The following DAPP1 variants were observed in gnomAD, a reference collection of about 807,000 sequenced individuals.
The protein encoded by DAPP1 is dual adapter for phosphotyrosine and 3-phosphotyrosine and 3-phosphoinositide.
A neutral mutation model predicts 41.5 loss-of-function variants in DAPP1; 20 were observed. The observed-to-expected ratio is 0.48, with a 90% CI of 0.34 to 0.70. DAPP1 has a LOEUF of 0.70. Ranked by LOEUF, DAPP1 falls within the 30% of genes least tolerant of loss-of-function variation. DAPP1 has a pLI of 0.01. For synonymous variants in DAPP1, 113 were observed against 116.2 expected (o/e 0.97, Z 0.18); for missense variants, 233 against 333.4 (o/e 0.70, Z 2.35).
intron 3 of DAPP1, among the ~76,000 whole-genome samples, chr4:99,841,714 A>G (rs1044836369): frequency 3.3e-5 from 5 of 152,158 alleles, no homozygotes; most frequent in Admixed American, 6.5e-5. Context: ...GAGATTTTTA[A>G]AGCCAGGGTT....
intron 1 of DAPP1, among the ~76,000 whole-genome samples, chr4:99,832,216 A>G (rs1404019439): frequency 6.6e-6 from 1 of 152,256 alleles, no homozygotes; most frequent in African/African-American, 2.4e-5. Context: ...GATTTGAAGC[A>G]ATGACTGAAG....
At chr4:99,851,356 C>G (rs918874061) in intron 3 of DAPP1, among the ~76,000 whole-genome samples, 1 of 151,900 alleles carries the variant, frequency 6.6e-6, no homozygotes, top group Non-Finnish European at 1.5e-5. Flanking sequence ...AGAGGAAGGG[C>G]CAGAGGCTTT....
intron 1 of DAPP1, among the ~76,000 whole-genome samples, chr4:99,817,904 A>T (rs1722645424): frequency 6.6e-6 from 1 of 152,222 alleles, no homozygotes; most frequent in African/African-American, 2.4e-5. Context: ...TCTTCATCTT[A>T]CAAAGGATGA....
chr4:99,839,571 A>G (rs1723427691), intron 2 of DAPP1, among the ~76,000 whole-genome samples: 1 of 152,116 alleles, frequency 6.6e-6, no homozygotes, highest in African/African-American at 2.4e-5. Flanking sequence ...ACAGAGCTGA[A>G]TTCTGATTGA....
chr4:99,827,681 T>G (rs1158687021), intron 1 of DAPP1, among the ~76,000 whole-genome samples: 1 of 152,228 alleles, frequency 6.6e-6, no homozygotes, highest in Non-Finnish European at 1.5e-5. Flanking sequence ...TAATGCATTC[T>G]CGGGCTGCCT....
chr4:99,837,287 G>C (rs1723334371), intron 2 of DAPP1, among the ~76,000 whole-genome samples: 1 of 152,162 alleles, frequency 6.6e-6, no homozygotes, highest in South Asian at 2.1e-4. Flanking sequence ...TTGGGATAAA[G>C]TGTGTGTACT....
intron 1 of DAPP1, among the ~76,000 whole-genome samples, chr4:99,826,635 C>A (rs1722947191): frequency 6.6e-6 from 1 of 152,176 alleles, no homozygotes. Context: ...ACCAGTTCTT[C>A]CAGAATTATT....
intron 1 of DAPP1, among the ~76,000 whole-genome samples, chr4:99,828,319 T>A (rs915963729): frequency 6.6e-6 from 1 of 152,182 alleles, no homozygotes; most frequent in Admixed American, 6.5e-5. Flanking sequence ...AAACAATATA[T>A]TCAAGTTAAT....
rs545171010 is a variant in DAPP1 at position 99,837,062 on chromosome 4, C to T, written c.224+1317C>T. ...GCCACATGGCACCCATGGCTGTTTA[C>T]CACATGGGTGTTTGCTTTCTTGCAT... On this transcript the variant is annotated intron_variant, in intron 2 of 8. Coordinates refer to ENST00000512369, the MANE Select transcript of DAPP1 (RefSeq NM_014395.3). Among the ~76,000 whole-genome samples, 4 of 152,360 alleles carry T rather than the reference C, an allele frequency of 2.6e-5. No individual in the cohort carries two copies. In the East Asian group the frequency reaches 7.7e-4, roughly 29 times the overall value.
At chr4:99,845,448 C>T (rs1226451048) in intron 3 of DAPP1, among the ~76,000 whole-genome samples, 1 of 152,196 alleles carries the variant, frequency 6.6e-6, no homozygotes, top group African/African-American at 2.4e-5. Flanking sequence ...ATTGGTCCTA[C>T]AGCGACACTG....
chr4:99,826,939 G>C (rs1022824864), intron 1 of DAPP1, among the ~76,000 whole-genome samples: 2 of 152,154 alleles, frequency 1.3e-5, no homozygotes, highest in Non-Finnish European at 2.9e-5. Context: ...ATGTTAACCT[G>C]CAGATCCTTC....
At chr4:99,850,396 C>A (rs1723813551) in intron 3 of DAPP1, among the ~76,000 whole-genome samples, 1 of 151,016 alleles carries the variant, frequency 6.6e-6, no homozygotes, top group Non-Finnish European at 1.5e-5. Flanking sequence ...GGTGACAGAG[C>A]AAGACTCCGC....
At chr4:99,870,815 T>C (rs1208569828), downstream of DAPP1, among the ~76,000 whole-genome samples, 2 of 152,194 alleles carry the variant, frequency 1.3e-5, no homozygotes, top group Non-Finnish European at 2.9e-5. Context: ...TCTGGACAAA[T>C]GGTGACACCA....
chr4:99,866,092 G>T lies in DAPP1; in HGVS notation c.745G>T (p.Glu249Ter). ...TGCAAAGACCGGAGTAGAAGCTGAT[G>T]AGTGGATCAAGATATTACGCTGGAA... ...LCAKTGVEAD[E>*]WIKILRWKLS... Residue 249 changes from glutamate to a stop codon, truncating the protein, a stop_gained, in exon 8 of 9, where the codon GAG (glutamate) becomes TAG (stop). Coordinates refer to ENST00000512369, the MANE Select transcript of DAPP1 (RefSeq NM_014395.3). LOFTEE classifies it high-confidence loss of function. 1 of 1,600,870 alleles carries T rather than the reference G, an allele frequency of 6.2e-7. No individual in the cohort carries two copies. Among genetic ancestry groups the T allele is most frequent in the Non-Finnish European group, 8.5e-7 (1 of 1,172,074 alleles).
At chr4:99,866,343 G>GAC (rs1369476529) in intron 8 of DAPP1, among the ~76,000 whole-genome samples, 2 of 152,128 alleles carry the variant, frequency 1.3e-5, no homozygotes, top group African/African-American at 4.8e-5. Flanking sequence ...TTGGGTCTTA[G>GAC]ACATAGAGCC....
At chr4:99,839,774 A>G (rs1305153222) in intron 2 of DAPP1, among the ~76,000 whole-genome samples, 1 of 152,190 alleles carries the variant, frequency 6.6e-6, no homozygotes, top group African/African-American at 2.4e-5. Context: ...TAGAGTGAAA[A>G]GTTGAGGCTG....
chr4:99,855,651 A>G (rs190840038), intron 4 of DAPP1, among the ~76,000 whole-genome samples: 21 of 152,328 alleles, frequency 1.4e-4, no homozygotes, highest in African/African-American at 5.1e-4. Flanking sequence ...GAGGATCTGA[A>G]ATGTTTCTCA....
intron 1 of DAPP1, among the ~76,000 whole-genome samples, chr4:99,825,650 G>C (rs79802130): frequency 0.012 from 1,753 of 152,302 alleles, 41 homozygotes; most frequent in African/African-American, 0.039. Context: ...TCACAGAAAC[G>C]TCTCTATTGG....
chr4:99,842,145 T>C (rs17611961), intron 3 of DAPP1, among the ~76,000 whole-genome samples: 13,305 of 152,300 alleles, frequency 0.087, 625 homozygotes, highest in Non-Finnish European at 0.11. Flanking sequence ...TGTTTTGATA[T>C]TGCATTTGGG....
Sources: gnomAD v4.1 joint callset for allele counts (sites outside exome capture counted in the v4.1 genomes callset) on GRCh38, gnomAD v4.1.1 for gene constraint, MANE v1.5 for transcripts, NCBI Gene and HGNC (gene_info 2026-07-23, HGNC 2026-07-21) for gene names.